The following CROCC2 variants were observed in gnomAD, a reference collection of about 807,000 sequenced individuals.
CROCC2 encodes ciliary rootlet coiled-coil protein 2.
In CROCC2, 163 loss-of-function variants were observed where a neutral mutation model predicts 177.6. That is an observed-to-expected ratio of 0.92 (90% CI 0.81 to 1.05). The LOEUF (loss-of-function observed/expected upper bound fraction) is 1.05. Among genes scored for constraint, CROCC2 ranks in the 50% least tolerant of loss-of-function variants. The pLI, the probability that CROCC2 is intolerant of heterozygous loss-of-function variation, is 0.00. For synonymous variants in CROCC2, 904 were observed against 787.3 expected, an observed-to-expected ratio of 1.15 and a Z score of -2.48; for missense variants, 1,929 against 1,797.8, an observed-to-expected ratio of 1.07 and a Z score of -1.32.
chr2:240,919,992 A>G lies in CROCC2; in HGVS notation c.239A>G (p.Gln80Arg), dbSNP rs969718339. 4.2e-6 allele frequency: 3 copies of G among 716,432 alleles called. No homozygotes were observed. Among genetic ancestry groups the G allele is most frequent in the Non-Finnish European group, 7.8e-6 (3 of 384,802 alleles). The allele number at this position is 716,432 out of a possible 1,614,324, so 44.4% of individuals were successfully genotyped here. A position where few individuals can be genotyped will look rare whatever the true frequency, so the allele number is the denominator to read the frequency against. ...CCCAGGTACCGTGCAGCAGGGGTACAGGAGCCGACAGCCACTGTGGCCCGA... is the reference window on the plus strand; with the variant it reads ...CCCAGGTACCGTGCAGCAGGGGTACGGGAGCCGACAGCCACTGTGGCCCGA... The part of the protein sequence containing the change: ...LSEEPPQAGV[Q>R]EPTATVARVQ... The change falls in exon 3 of 32, where the codon CAG (glutamine) becomes CGG (arginine). Residue 80 changes from glutamine to arginine, a missense_variant. By Grantham distance (43) the Gln-to-Arg change is conservative (BLOSUM62 1). This residue lies in a region of CROCC2 where 1,397 missense variants were observed against 1,239.9 expected (regional missense o/e 1.13). Transcript: ENST00000690015.
intron 14 of CROCC2, among the ~76,000 whole-genome samples, chr2:240,937,846 T>C (rs1221078035): frequency 6.6e-6 from 1 of 152,208 alleles, no homozygotes; most frequent in Non-Finnish European, 1.5e-5. Context: ...TCCCTTGCTG[T>C]TCTCTTGATG....
chr2:240,945,539 G>A (rs549812923), intron 14 of CROCC2, among the ~76,000 whole-genome samples: 2 of 152,306 alleles, frequency 1.3e-5, no homozygotes, highest in South Asian at 4.1e-4. Context: ...CAAATGCCTT[G>A]AGGAAGAGGA....
At chr2:240,956,058 G>C in intron 19 of CROCC2, 86 bp downstream of exon 19, 1 of 958,960 alleles carries the variant, frequency 1.0e-6, no homozygotes, top group South Asian at 1.4e-5. Flanking sequence ...TGGTCCCAGT[G>C]GCATGACCCT....
intron 14 of CROCC2, among the ~76,000 whole-genome samples, chr2:240,944,416 G>A (rs974463673): frequency 6.6e-6 from 1 of 152,064 alleles, no homozygotes; most frequent in Non-Finnish European, 1.5e-5. Context: ...ATCTCCTTTT[G>A]AGGCTGTAAT....
In CROCC2 at chr2:240,982,523, C is replaced by A; in HGVS notation, c.4402-357C>A. On this transcript the variant is annotated intron_variant, in intron 27 of 31. Transcript: ENST00000690015. This position sits in a 1 kb window ranked among gnomAD's most constrained non-coding sequence, Gnocchi z 4.7. ...GGGGAGGGTCACCTCAGGCTTTATC[C>A]CAAGGGCAGTAGGAGCCACCAAGGC... 5.3e-6 allele frequency: 1 copy of A among 189,368 alleles called. No homozygotes were observed. Among genetic ancestry groups the A allele is most frequent in the Non-Finnish European group, 1.1e-5 (1 of 93,078 alleles). 11.7% of individuals were successfully genotyped at this position (189,368 alleles called of 1,614,324 possible). A position where few individuals can be genotyped will look rare whatever the true frequency, so the allele number is the denominator to read the frequency against.
intron 9 of CROCC2, 85 bp downstream of exon 9, chr2:240,932,993 T>A: frequency 6.8e-7 from 1 of 1,465,242 alleles, no homozygotes; most frequent in South Asian, 1.4e-5. Flanking sequence ...TTATGGGGCC[T>A]GCCCCTGAGC....
Position 240,953,410 on chromosome 2 carries a change from G to A in CROCC2, c.2830-2449G>A, listed in dbSNP as rs1468434260. 3.4e-5 allele frequency among the ~76,000 whole-genome samples: 4 copies of A among 116,746 alleles called. No homozygotes were observed. Among genetic ancestry groups the A allele is most frequent in the Admixed American group, 8.7e-5 (1 of 11,522 alleles). The allele number at this position is 116,746 out of a possible 152,430, so 76.6% of individuals were successfully genotyped here. On this transcript the variant is annotated intron_variant, in intron 18 of 31. Coordinates refer to ENST00000690015, the MANE Select transcript of CROCC2 (RefSeq NM_001351305.2). The surrounding 1 kb of genome is among the most constrained non-coding windows in gnomAD (Gnocchi z 4.0). ...CATTCCAGCCTGGGTGACAGAGTGA[G>A]ACTCTGTCTCAAAAAAAAAAACAGG...
In CROCC2 at chr2:240,935,548, T is replaced by C; in HGVS notation, c.2129T>C (p.Leu710Pro). 7.4e-7 allele frequency: 1 copy of C among 1,348,880 alleles called. No individual in the cohort carries two copies. The allele number at this position is 1,348,880 out of a possible 1,614,324, so 83.6% of individuals were successfully genotyped here. ...QEQLEGQAAL[L>P]GREKAQLQEQ... ...CAGCTGGAGGGGCAGGCAGCCCTGC[T>C]GGGGCGAGAGAAGGCCCAGCTCCAG... Residue 710 changes from leucine to proline, a missense_variant, in exon 14 of 32, where the codon CTG becomes CCG. Transcript: ENST00000690015.
At chr2:240,986,726 G>A (rs73107876) in intron 28 of CROCC2, among the ~76,000 whole-genome samples, 3,675 of 152,320 alleles carry the variant, frequency 0.024, 177 homozygotes, top group African/African-American at 0.084. Flanking sequence ...TGCTGCTGAG[G>A]CCCTGCAGGA....
At chr2:240,906,701 C>T (rs886401831) in intron 1 of CROCC2, 110 bp downstream of exon 1, 14 of 397,916 alleles carry the variant, frequency 3.5e-5, no homozygotes, top group African/African-American at 8.2e-5. Context: ...TCCTGGCTCC[C>T]GGGGCACTTT....
Position 240,918,912 on chromosome 2 carries a change from G to A in CROCC2, c.229+36G>A, listed in dbSNP as rs1016022575. The A allele has an allele frequency of 1.8e-5, 12 of 669,398 alleles. No homozygotes were observed. Among genetic ancestry groups the A allele is most frequent in the Non-Finnish European group, 3.0e-5 (11 of 365,822 alleles). 41.5% of individuals were successfully genotyped at this position (669,398 alleles called of 1,614,324 possible). On this transcript the variant is annotated intron_variant, in intron 2 of 31. Coordinates refer to ENST00000690015, the MANE Select transcript of CROCC2 (RefSeq NM_001351305.2). The surrounding 1 kb of genome is among the most constrained non-coding windows in gnomAD (Gnocchi z 6.3). ...GGGGGACAGTCCTGGGCCCGGGGCT[G>A]GCCAAGGTGACGGCGTGGGGGACAG...
At position 240,965,640 on chromosome 2, in the gene CROCC2, T is replaced by G. The variant is rs1462182463; in HGVS notation, c.3608T>G (p.Leu1203Arg). The stretch of plus-strand genomic sequence containing the variant: ...ACCCCAACATCCCTCCTACAGGTCC[T>G]GGGATTGCAGAGGAAGTTGGCAGAG... ...AKHEGARKEVLGLQRKLAEVE... is the reference protein window; with the variant it reads ...AKHEGARKEVRGLQRKLAEVE... The change falls in exon 24 of 32, where the codon CTG becomes CGG. Residue 1203 changes from leucine to arginine, a missense_variant. Leu to Arg is a moderately radical substitution (Grantham distance 102). Transcript: ENST00000690015. 1 of 1,550,390 alleles carries G rather than the reference T, an allele frequency of 6.4e-7. No individual in the cohort carries two copies. Among genetic ancestry groups the G allele is most frequent in the Non-Finnish European group, 8.7e-7 (1 of 1,146,944 alleles).
intron 19 of CROCC2, 124 bp downstream of exon 19, chr2:240,956,096 G>C: frequency 1.4e-6 from 1 of 718,530 alleles, no homozygotes; most frequent in Non-Finnish European, 2.4e-6. Context: ...CTGAGCCTCA[G>C]TTTCCCCCAG....
In CROCC2 at chr2:240,925,814, C is replaced by A. The variant is rs544293371; in HGVS notation, c.579C>A (p.Ala193=). ...KANDALGREL[A]GMTGSVQRLQ... ...ATGACGCGCTGGGCCGGGAGCTGGC[C>A]GGGATGACGGGCAGCGTGCAGCGCC... Residue 193 remains alanine (A), a synonymous_variant, in exon 5 of 32, where the codon GCC becomes GCA. Coordinates refer to ENST00000690015, the MANE Select transcript of CROCC2 (RefSeq NM_001351305.2). 1.4e-6 allele frequency: 1 copy of A among 716,750 alleles called. No homozygotes were observed. The highest frequency in any genetic ancestry group is 2.6e-6 in the Non-Finnish European group (1 of 384,914). 44.4% of individuals were successfully genotyped at this position (716,750 alleles called of 1,614,324 possible). A position where few individuals can be genotyped will look rare whatever the true frequency, so the allele number is the denominator to read the frequency against.
intron 18 of CROCC2, among the ~76,000 whole-genome samples, chr2:240,951,620 C>T (rs2059557314): frequency 6.6e-6 from 1 of 152,136 alleles, no homozygotes; most frequent in South Asian, 2.1e-4. Flanking sequence ...ATTTGACTAT[C>T]CATCCAACTA....
intron 14 of CROCC2, 39 bp from the exon 15 acceptor site, chr2:240,946,021 C>A (rs1425606512): frequency 1.4e-6 from 2 of 1,443,300 alleles, no homozygotes; most frequent in Non-Finnish European, 1.9e-6. Flanking sequence ...CCCACTTACT[C>A]TCTTTCTCTG....
At chr2:240,938,860 A>C (rs2059482978) in intron 14 of CROCC2, among the ~76,000 whole-genome samples, 2 of 152,186 alleles carry the variant, frequency 1.3e-5, no homozygotes, top group South Asian at 4.1e-4. Context: ...GTTCATTATT[A>C]TAGAAATACA....
chr2:240,960,834 TCTC>T lies in CROCC2; in HGVS notation c.3087+1393_3087+1395del, dbSNP rs1203174402. Among the ~76,000 whole-genome samples the T allele has an allele frequency of 1.4e-5, 2 of 144,838 alleles. No individual in the cohort carries two copies. Among genetic ancestry groups the T allele is most frequent in the Admixed American group, 7.0e-5 (1 of 14,202 alleles). On this transcript the variant is annotated intron_variant, in intron 20 of 31. Transcript: ENST00000690015. The surrounding 1 kb of genome is among the most constrained non-coding windows in gnomAD (Gnocchi z 5.0). ...TTTACATTGGCCCCAAGGAGAAAGGTCTCCTTTCAACAGATTTCAAAGTCAGGC... is the reference window on the plus strand; with the variant it reads ...TTTACATTGGCCCCAAGGAGAAAGGTCTTTCAACAGATTTCAAAGTCAGGC...
intron 28 of CROCC2, among the ~76,000 whole-genome samples, chr2:240,987,191 C>T (rs181642998): frequency 2.0e-5 from 3 of 152,180 alleles, no homozygotes; most frequent in East Asian, 1.9e-4. Context: ...GCCCTGGTTG[C>T]GACAGCACTG....
Sources: allele counts gnomAD v4.1 joint callset (sites outside exome capture counted in the v4.1 genomes callset), GRCh38; gene constraint gnomAD v4.1.1; regional missense constraint gnomAD v4.1.1; non-coding constraint Gnocchi (gnomAD v3.1); transcripts MANE v1.5; gene names NCBI Gene and HGNC (gene_info 2026-07-23, HGNC 2026-07-21).